The following LAMA3 variants were observed in gnomAD, a reference collection of about 807,000 sequenced individuals.
The protein encoded by LAMA3 is laminin subunit alpha-3.
A neutral mutation model predicts 402.0 loss-of-function variants in LAMA3; 281 were observed. The ratio of observed to expected loss-of-function variants is 0.70; its 90% confidence interval spans 0.63 to 0.77. The LOEUF is 0.77. Ranked by LOEUF, LAMA3 falls within the 30% of genes least tolerant of loss-of-function variation. The pLI is 0.00. For synonymous variants in LAMA3, 1,431 were observed against 1,558.4 expected, an observed-to-expected ratio of 0.92 and a Z score of 1.93; for missense variants, 3,840 against 4,215.5, an observed-to-expected ratio of 0.91 and a Z score of 2.47.
chr18:23,883,291 C>T (rs914446640), intron 40 of LAMA3, among the ~76,000 whole-genome samples: 2 of 152,152 alleles, frequency 1.3e-5, no homozygotes, highest in East Asian at 1.9e-4. Context: ...CAATAGACTA[C>T]ATAGGTAGGA....
In LAMA3 at chr18:23,809,336, G is replaced by C. The variant is rs534800596; in HGVS notation, c.1604-1030G>C. ...GAATCCAGATGTGTCTGACTCCAAA[G>C]ACTGAAGCCCTTTATTAGAGACTAA... On this transcript the variant is annotated intron_variant, in intron 12 of 74. Coordinates refer to ENST00000313654, the MANE Select transcript of LAMA3 (RefSeq NM_198129.4). 6.6e-5 allele frequency among the ~76,000 whole-genome samples: 10 copies of C among 152,294 alleles called. 1 individual carries two copies. The South Asian group carries it at 1.5e-3, about 22-fold the overall frequency.
intron 11 of LAMA3, 105 bp from the exon 12 acceptor site, chr18:23,783,918 A>G: frequency 1.4e-6 from 2 of 1,414,450 alleles, no homozygotes; most frequent in East Asian, 2.3e-5. Context: ...ACAGCCATAG[A>G]TAATTAATAA....
At chr18:23,774,875 C>CA (rs1189289642) in intron 9 of LAMA3, among the ~76,000 whole-genome samples, 4 of 152,220 alleles carry the variant, frequency 2.6e-5, no homozygotes, top group African/African-American at 9.6e-5. Context: ...ATGTCTATCA[C>CA]CTGTCTTGTG....
intron 59 of LAMA3, among the ~76,000 whole-genome samples, chr18:23,916,005 C>CAAAAAAAAAAAAAAAAAA (rs1408575781): frequency 4.8e-5 from 2 of 41,954 alleles, no homozygotes; most frequent in Non-Finnish European, 3.6e-5. Flanking sequence ...GACTCCATCT[C>CAAAAAAAAAAAAAAAAAA]CAAAAAAAAA....
intron 1 of LAMA3, among the ~76,000 whole-genome samples, chr18:23,694,013 A>G (rs2060640734): frequency 6.6e-6 from 1 of 152,176 alleles, no homozygotes; most frequent in African/African-American, 2.4e-5. Context: ...CTGCTTTGCA[A>G]TAAAGAACTG....
At chr18:23,737,069 G>A (rs1398262430) in intron 2 of LAMA3, among the ~76,000 whole-genome samples, 2 of 149,868 alleles carry the variant, frequency 1.3e-5, no homozygotes, top group Admixed American at 1.3e-4. Flanking sequence ...AGGATATGTT[G>A]CCCCCAGGCT....
chr18:23,769,504 A>G (rs1193933659), intron 8 of LAMA3, among the ~76,000 whole-genome samples: 1 of 152,258 alleles, frequency 6.6e-6, no homozygotes, highest in Admixed American at 6.5e-5. Context: ...TGAGACGTGA[A>G]GGATATATAT....
chr18:23,876,310 A>G lies in LAMA3; in HGVS notation c.5015A>G (p.Tyr1672Cys), dbSNP rs1475513198. The part of the protein sequence containing the change: ...GDSCQGCSPG[Y>C]YRDHKGLYTG... ...GAAAAATAGGGTTGTAGCCCTGGAT[A>G]CTATCGGGATCATAAAGGCTTGTAT... The change falls in exon 39 of 75, where the codon TAC (tyrosine) becomes TGC (cysteine). Residue 1672 changes from tyrosine (Y) to cysteine (C), a missense_variant. By Grantham distance (194) the Tyr-to-Cys change is radical. Coordinates refer to ENST00000313654, the MANE Select transcript of LAMA3 (RefSeq NM_198129.4). 5 of 1,612,840 alleles carry G rather than the reference A, an allele frequency of 3.1e-6. No homozygotes were observed. The highest frequency in any genetic ancestry group is 4.2e-6 in the Non-Finnish European group (5 of 1,178,750).
chr18:23,755,877 G>T (rs1050271295), intron 6 of LAMA3, among the ~76,000 whole-genome samples: 7 of 152,186 alleles, frequency 4.6e-5, no homozygotes, highest in African/African-American at 1.7e-4. Flanking sequence ...ATTTACAGCA[G>T]GTGTATTATT....
intron 14 of LAMA3, among the ~76,000 whole-genome samples, chr18:23,813,822 G>A (rs1431478757): frequency 1.3e-5 from 2 of 152,092 alleles, no homozygotes; most frequent in Admixed American, 1.3e-4. Flanking sequence ...GGTTACAGGC[G>A]TGAGCTACCA....
At chr18:23,916,492 A>G (rs2081625100) in intron 59 of LAMA3, 59 bp from the exon 60 acceptor site, 1 of 1,581,864 alleles carries the variant, frequency 6.3e-7, no homozygotes, top group Admixed American at 1.7e-5. Context: ...ATTAATAAGC[A>G]CACTGGCATG....
chr18:23,862,131 G>A (rs2064239088), intron 35 of LAMA3, among the ~76,000 whole-genome samples: 1 of 152,244 alleles, frequency 6.6e-6, no homozygotes, highest in South Asian at 2.1e-4. Flanking sequence ...AATGGGACAT[G>A]CGTGCTTTTA....
chr18:23,907,607 A>G lies in LAMA3; in HGVS notation c.6776A>G (p.Lys2259Arg). 8 of 1,614,184 alleles carry G rather than the reference A, an allele frequency of 5.0e-6. No individual in the cohort carries two copies. The highest frequency in any genetic ancestry group is 1.1e-5 in the South Asian group (1 of 91,086). ...ACCCTGAATATTGTGACAGTTCAGA[A>G]AGAAGTGATAGACACCAATCTCACA... ...QQTLNIVTVQKEVIDTNLTTL... is the reference protein window; with the variant it reads ...QQTLNIVTVQREVIDTNLTTL... The change falls in exon 53 of 75, where the codon AAA becomes AGA. Residue 2259 changes from lysine (K) to arginine (R), a missense_variant. Physicochemically the swap from Lys to Arg is conservative, Grantham distance 26 (BLOSUM62 2). Coordinates refer to ENST00000313654, the MANE Select transcript of LAMA3 (RefSeq NM_198129.4).
At chr18:23,745,218 T>C (rs2061632001) in intron 2 of LAMA3, among the ~76,000 whole-genome samples, 1 of 152,022 alleles carries the variant, frequency 6.6e-6, no homozygotes, top group Non-Finnish European at 1.5e-5. Flanking sequence ...AAAAATATGG[T>C]ATATTGTTAA....
chr18:23,888,301 A>G (rs1350064709), intron 41 of LAMA3, among the ~76,000 whole-genome samples: 1 of 152,208 alleles, frequency 6.6e-6, no homozygotes, highest in Non-Finnish European at 1.5e-5. Context: ...CAATTAGAAG[A>G]TGAATATTTT....
rs182544933 is a variant in LAMA3 at position 23,871,397 on chromosome 18, A to C, written c.4768-34A>C. On this transcript the variant is annotated intron_variant, in intron 37 of 74. Transcript: ENST00000313654. ...GGAACCCCTGGAAGTGAGCCTGCCT[A>C]AGGAAGACCCTGACTTTCTGTTTCC... 1.6e-3 allele frequency: 2,550 copies of C among 1,591,696 alleles called. 4 individuals carry two copies. Among genetic ancestry groups the C allele is most frequent in the Non-Finnish European group, 2.0e-3 (2,304 of 1,159,726 alleles).
At chr18:23,849,666 C>T (rs1963565364) in intron 32 of LAMA3, among the ~76,000 whole-genome samples, 2 of 152,260 alleles carry the variant, frequency 1.3e-5, no homozygotes, top group East Asian at 1.9e-4. Context: ...TTATTTTTAA[C>T]AAACTGTCAC....
intron 23 of LAMA3, among the ~76,000 whole-genome samples, chr18:23,829,574 A>G (rs1372036633): frequency 3.3e-5 from 5 of 152,206 alleles, no homozygotes; most frequent in African/African-American, 1.2e-4. Context: ...GTTCTTGGTC[A>G]TGAGGCCACA....
intron 1 of LAMA3, among the ~76,000 whole-genome samples, chr18:23,709,079 C>CT (rs10716153): frequency 2.7e-5 from 4 of 148,884 alleles, no homozygotes; most frequent in East Asian, 2.0e-4. Context: ...TTTCTTTTTT[C>CT]TTTTTTTTTG....
Sources: gnomAD v4.1 joint callset for allele counts (sites outside exome capture counted in the v4.1 genomes callset) on GRCh38, gnomAD v4.1.1 for gene constraint, MANE v1.5 for transcripts, NCBI Gene and HGNC (gene_info 2026-07-23, HGNC 2026-07-21) for gene names.